The following CNTNAP2 variants were observed in gnomAD, a reference collection of about 807,000 sequenced individuals.
CNTNAP2 encodes contactin-associated protein-like 2.
A neutral mutation model predicts 155.2 loss-of-function variants in CNTNAP2; 98 were observed. The observed-to-expected ratio is 0.63, with a 90% CI of 0.54 to 0.75. CNTNAP2 has a LOEUF of 0.75. Among genes scored for constraint, CNTNAP2 ranks in the 30% least tolerant of loss-of-function variants. CNTNAP2 has a pLI of 0.00. For synonymous variants in CNTNAP2, 651 were observed against 631.2 expected (o/e 1.03, Z -0.47); for missense variants, 1,727 against 1,688.1 (o/e 1.02, Z -0.40).
intron 1 of CNTNAP2, among the ~76,000 whole-genome samples, chr7:146,567,339 A>G (rs2129145323): frequency 6.6e-6 from 1 of 152,332 alleles, no homozygotes; most frequent in African/African-American, 2.4e-5. Context: ...AATAAAAGGA[A>G]CAATTAGTAG....
intron 3 of CNTNAP2, among the ~76,000 whole-genome samples, chr7:146,881,090 T>A (rs888727116): frequency 6.6e-6 from 1 of 152,106 alleles, no homozygotes; most frequent in Non-Finnish European, 1.5e-5. Flanking sequence ...CTTTTAAAAA[T>A]CCTTCCAGAA....
At chr7:146,777,973 G>C (rs1802419953) in intron 2 of CNTNAP2, among the ~76,000 whole-genome samples, 2 of 151,632 alleles carry the variant, frequency 1.3e-5, no homozygotes, top group South Asian at 4.2e-4. Context: ...ATTCCAAGCA[G>C]AAAAAATATA....
At chr7:147,090,150 T>C (rs1179174178) in intron 4 of CNTNAP2, among the ~76,000 whole-genome samples, 1 of 152,202 alleles carries the variant, frequency 6.6e-6, no homozygotes. Flanking sequence ...ATGCATGTTA[T>C]GGTAAAAATA....
intron 2 of CNTNAP2, among the ~76,000 whole-genome samples, chr7:146,834,516 G>C (rs761741475): frequency 6.6e-6 from 1 of 152,100 alleles, no homozygotes; most frequent in South Asian, 2.1e-4. Flanking sequence ...AGGATGGGAG[G>C]GGTGGGAAAG....
At chr7:147,343,853 T>C (rs930239530) in intron 9 of CNTNAP2, among the ~76,000 whole-genome samples, 8 of 152,144 alleles carry the variant, frequency 5.3e-5, no homozygotes, top group African/African-American at 1.9e-4. Flanking sequence ...GCATCAAAAC[T>C]ACAGACCACA....
chr7:146,402,108 T>C (rs1344479203), intron 1 of CNTNAP2, among the ~76,000 whole-genome samples: 1 of 152,216 alleles, frequency 6.6e-6, no homozygotes, highest in African/African-American at 2.4e-5. Flanking sequence ...TGTTCATATA[T>C]AATGATCTTT....
chr7:147,579,433 T>C (rs1438471952), intron 12 of CNTNAP2, among the ~76,000 whole-genome samples: 1 of 152,188 alleles, frequency 6.6e-6, no homozygotes, highest in African/African-American at 2.4e-5. Flanking sequence ...TAAGTATGTA[T>C]AAAATTATTT....
rs189183816 is a variant in CNTNAP2 at position 146,740,099 on chromosome 7, G to T, written c.98-34172G>T. Among the ~76,000 whole-genome samples, 344 of 152,032 alleles carry T rather than the reference G, an allele frequency of 2.3e-3. 1 individual carries two copies. Among genetic ancestry groups the T allele is most frequent in the Non-Finnish European group, 3.7e-3 (251 of 67,964 alleles). On this transcript the variant is annotated intron_variant, in intron 1 of 23. Transcript: ENST00000361727. ...CTGTGATATGAAAATTTGCCTTTTT[G>T]ATGCTGTCACATAAGTTTCATAAGC...
Position 146,575,693 on chromosome 7 carries a change from A to T in CNTNAP2, c.98-198578A>T, listed in dbSNP as rs150057967. Among the ~76,000 whole-genome samples, 220 of 152,316 alleles carry T rather than the reference A, an allele frequency of 1.4e-3. 1 individual carries two copies. Among genetic ancestry groups the T allele is most frequent in the Admixed American group, 0.013 (200 of 15,292 alleles). ...AAACTGAAATATGTTGTCAGTGGGAACAAAGTTTGAAAGAAATGTAACACA... is the reference window on the plus strand; with the variant it reads ...AAACTGAAATATGTTGTCAGTGGGATCAAAGTTTGAAAGAAATGTAACACA... On this transcript the variant is annotated intron_variant, in intron 1 of 23. Transcript: ENST00000361727.
At chr7:146,826,314 A>G (rs1024810017) in intron 2 of CNTNAP2, among the ~76,000 whole-genome samples, 2 of 152,146 alleles carry the variant, frequency 1.3e-5, no homozygotes, top group African/African-American at 4.8e-5. Context: ...ATCTATTTTT[A>G]AATTCACTTA....
In CNTNAP2 at chr7:146,182,322, A is replaced by T. The variant is rs575591386; in HGVS notation, c.97+65349A>T. On this transcript the variant is annotated intron_variant, in intron 1 of 23. Coordinates refer to ENST00000361727, the MANE Select transcript of CNTNAP2 (RefSeq NM_014141.6). ...TCCTCTAATGTTTAACAACATTCCC[A>T]CAGTAACACTCCTGAAAATGGCTAT... is the stretch of plus-strand genomic sequence containing the variant. 2.1e-4 allele frequency among the ~76,000 whole-genome samples: 32 copies of T among 152,234 alleles called. No individual in the cohort carries two copies. In the South Asian group the frequency reaches 6.4e-3, roughly 31 times the overall value.
chr7:147,521,561 C>T (rs889288217), intron 11 of CNTNAP2, among the ~76,000 whole-genome samples: 12 of 152,096 alleles, frequency 7.9e-5, no homozygotes, highest in East Asian at 3.9e-4. Flanking sequence ...GTGGAAGATG[C>T]GAGAATATTG....
chr7:147,468,143 T>C (rs1239979010), intron 10 of CNTNAP2, among the ~76,000 whole-genome samples: 5 of 151,866 alleles, frequency 3.3e-5, no homozygotes, highest in African/African-American at 9.7e-5. Flanking sequence ...AAAATATAAT[T>C]AGTTGGGTGT....
chr7:148,364,889 C>G (rs965437327), intron 21 of CNTNAP2, among the ~76,000 whole-genome samples: 1 of 152,188 alleles, frequency 6.6e-6, no homozygotes, highest in Non-Finnish European at 1.5e-5. Flanking sequence ...CCCTTTGGGT[C>G]CACGCTGCTT....
At chr7:147,280,749 A>G (rs1805016772) in intron 8 of CNTNAP2, among the ~76,000 whole-genome samples, 1 of 151,962 alleles carries the variant, frequency 6.6e-6, no homozygotes, top group Non-Finnish European at 1.5e-5. Context: ...CTGATGTACT[A>G]TATTTCTACC....
chr7:147,122,522 G>A (rs565429590), intron 6 of CNTNAP2: 1 of 152,164 alleles, frequency 6.6e-6, no homozygotes, highest in Non-Finnish European at 1.5e-5. Flanking sequence ...TGCACTGTAC[G>A]ACTGGCAGAA....
intron 20 of CNTNAP2, among the ~76,000 whole-genome samples, chr7:148,259,179 TAAAAAA>T (rs34229180): frequency 1.2e-4 from 3 of 24,018 alleles, no homozygotes; most frequent in East Asian, 1.6e-3. Context: ...AACTCCGTCT[TAAAAAA>T]AAAAAAAAAA....
intron 1 of CNTNAP2, among the ~76,000 whole-genome samples, chr7:146,375,141 T>G (rs1178616826): frequency 6.6e-6 from 1 of 152,248 alleles, no homozygotes; most frequent in Non-Finnish European, 1.5e-5. Context: ...CTCATTTCAC[T>G]GTTTCAATAA....
chr7:146,972,272 A>G (rs943065903), intron 3 of CNTNAP2, among the ~76,000 whole-genome samples: 1 of 152,236 alleles, frequency 6.6e-6, no homozygotes, highest in African/African-American at 2.4e-5. Context: ...TAATGATACT[A>G]TATACTATGT....
Sources: gnomAD v4.1 joint callset for allele counts (sites outside exome capture counted in the v4.1 genomes callset) on GRCh38, gnomAD v4.1.1 for gene constraint, MANE v1.5 for transcripts, NCBI Gene and HGNC (gene_info 2026-07-23, HGNC 2026-07-21) for gene names.